Variants in PTPRM observed in about 807,000 individuals in gnomAD.
PTPRM encodes receptor-type tyrosine-protein phosphatase mu.
Under a neutral mutation model 186.7 loss-of-function variants are expected in PTPRM, and 47 were observed. The observed-to-expected ratio is 0.25, with a 90% CI of 0.20 to 0.32. The LOEUF is 0.32. PTPRM is among the 10% of genes least tolerant of loss of function. The pLI, the probability that PTPRM is intolerant of heterozygous loss-of-function variation, is 1.00. For synonymous variants in PTPRM, 668 were observed against 674.9 expected, an observed-to-expected ratio of 0.99 and a Z score of 0.16; for missense variants, 1,494 against 1,865.0, an observed-to-expected ratio of 0.80 and a Z score of 3.66.
At chr18:8,247,525 G>A (rs111840011) in intron 15 of PTPRM, among the ~76,000 whole-genome samples, 3 of 152,320 alleles carry the variant, frequency 2.0e-5, no homozygotes, top group African/African-American at 7.2e-5. Flanking sequence ...TGGCCTGAGA[G>A]CAGATTTCTA....
At chr18:7,921,197 T>C (rs2050839640) in intron 4 of PTPRM, among the ~76,000 whole-genome samples, 1 of 152,170 alleles carries the variant, frequency 6.6e-6, no homozygotes, top group Admixed American at 6.5e-5. Context: ...CTCAACTACC[T>C]CTTGAGCACC....
chr18:8,105,347 A>C (rs117707882), intron 11 of PTPRM, among the ~76,000 whole-genome samples: 1 of 152,208 alleles, frequency 6.6e-6, no homozygotes, highest in Non-Finnish European at 1.5e-5. Flanking sequence ...GCCAGAAAAC[A>C]AAGATCATTT....
intron 19 of PTPRM, among the ~76,000 whole-genome samples, chr18:8,287,784 C>G (rs980863057): frequency 6.6e-6 from 1 of 152,186 alleles, no homozygotes; most frequent in African/African-American, 2.4e-5. Context: ...TACTGTCTCT[C>G]TGAAATTTGG....
At chr18:7,854,736 T>C (rs1299184643) in intron 2 of PTPRM, among the ~76,000 whole-genome samples, 2 of 151,470 alleles carry the variant, frequency 1.3e-5, no homozygotes, top group East Asian at 3.9e-4. Flanking sequence ...TAGGAGTTTT[T>C]TTTTTTTTTT....
chr18:8,220,163 A>T (rs779064411), intron 14 of PTPRM, among the ~76,000 whole-genome samples: 8 of 152,198 alleles, frequency 5.3e-5, no homozygotes, highest in Non-Finnish European at 1.2e-4. Context: ...CTGAAGAAAC[A>T]TGGTGAGAAT....
At chr18:7,823,413 AT>A (rs2045314113) in intron 2 of PTPRM, among the ~76,000 whole-genome samples, 2 of 152,182 alleles carry the variant, frequency 1.3e-5, no homozygotes, top group Admixed American at 6.5e-5. Flanking sequence ...GCAGATATAA[AT>A]TTAGCCTTGG....
chr18:7,956,224 T>C (rs1312055764), intron 7 of PTPRM, among the ~76,000 whole-genome samples: 1 of 152,182 alleles, frequency 6.6e-6, no homozygotes, highest in African/African-American at 2.4e-5. Context: ...TAAATTGTTA[T>C]GGTGTTAGTT....
intron 20 of PTPRM, among the ~76,000 whole-genome samples, chr18:8,298,591 G>C (rs889488716): frequency 1.3e-5 from 2 of 152,220 alleles, no homozygotes; most frequent in Non-Finnish European, 2.9e-5. Flanking sequence ...AGCATTTGCT[G>C]AGCACTTACA....
chr18:7,743,287 G>A (rs931206653), intron 1 of PTPRM, among the ~76,000 whole-genome samples: 8 of 152,178 alleles, frequency 5.3e-5, no homozygotes, highest in African/African-American at 9.7e-5. Context: ...TGAGGATGTC[G>A]TGGAATAATG....
At chr18:7,875,600 C>T (rs1402852724) in intron 2 of PTPRM, among the ~76,000 whole-genome samples, 1 of 152,030 alleles carries the variant, frequency 6.6e-6, no homozygotes. Context: ...CTGGGATTAC[C>T]GGCGTGAGCC....
intron 1 of PTPRM, among the ~76,000 whole-genome samples, chr18:7,762,723 A>G (rs1447350655): frequency 1.3e-5 from 2 of 152,192 alleles, no homozygotes; most frequent in Non-Finnish European, 2.9e-5. Flanking sequence ...AAATTGTGGC[A>G]TGGTAGGAAT....
At chr18:8,238,377 A>T (rs1677749499) in intron 14 of PTPRM, among the ~76,000 whole-genome samples, 1 of 152,040 alleles carries the variant, frequency 6.6e-6, no homozygotes, top group African/African-American at 2.4e-5. Flanking sequence ...TTTCTCAACC[A>T]TTTCCAGTCT....
intron 15 of PTPRM, among the ~76,000 whole-genome samples, chr18:8,244,888 T>C (rs2094463392): frequency 6.6e-6 from 1 of 152,150 alleles, no homozygotes; most frequent in South Asian, 2.1e-4. Flanking sequence ...CTCTGTGGTT[T>C]AGGGCACACT....
intron 2 of PTPRM, among the ~76,000 whole-genome samples, chr18:7,863,246 A>G (rs190526700): frequency 1.3e-5 from 2 of 152,292 alleles, no homozygotes; most frequent in East Asian, 3.9e-4. Flanking sequence ...ATACATGTGC[A>G]GAATATGCAG....
intron 2 of PTPRM, among the ~76,000 whole-genome samples, chr18:7,851,027 A>G (rs540512581): frequency 6.6e-6 from 1 of 152,334 alleles, no homozygotes; most frequent in South Asian, 2.1e-4. Context: ...TAGAGAACTA[A>G]TTCTGTTAAA....
rs780373711 is a variant in PTPRM at position 7,850,807 on chromosome 18, T to A, written c.197-37299T>A. Among the ~76,000 whole-genome samples the A allele has an allele frequency of 3.0e-4, 45 of 152,342 alleles. No individual in the cohort carries two copies. The Middle Eastern group carries it at 0.01, about 35-fold the overall frequency. On this transcript the variant is annotated intron_variant, in intron 2 of 32. Transcript: ENST00000580170. ...GCCTCAGATTTTCTCTACAAGTTTTTATTTCCAGTGTTATTCAATTAAAAA... is the reference window on the plus strand; with the variant it reads ...GCCTCAGATTTTCTCTACAAGTTTTAATTTCCAGTGTTATTCAATTAAAAA...
chr18:8,021,839 T>C (rs1217262991), intron 7 of PTPRM, among the ~76,000 whole-genome samples: 3 of 152,142 alleles, frequency 2.0e-5, no homozygotes, highest in African/African-American at 7.2e-5. Flanking sequence ...TGTCTCAGCC[T>C]CTCAAAATGC....
At chr18:8,076,686 G>T (rs2089838173) in intron 9 of PTPRM, 122 bp downstream of exon 9, 2 of 540,658 alleles carry the variant, frequency 3.7e-6, no homozygotes, top group Non-Finnish European at 6.4e-6. Flanking sequence ...AATGCTTTCA[G>T]TAGTTATAAT....
intron 1 of PTPRM, among the ~76,000 whole-genome samples, chr18:7,771,396 C>T (rs527729770): frequency 3.9e-5 from 6 of 152,268 alleles, no homozygotes; most frequent in South Asian, 2.1e-4. Flanking sequence ...CAATACTTCT[C>T]GTAAATGTTT....
Sources: gnomAD v4.1 joint callset for allele counts (sites outside exome capture counted in the v4.1 genomes callset) on GRCh38, gnomAD v4.1.1 for gene constraint, MANE v1.5 for transcripts, NCBI Gene and HGNC (gene_info 2026-07-23, HGNC 2026-07-21) for gene names.